Variants in JPH2 observed in about 807,000 individuals in gnomAD.
The protein encoded by JPH2 is junctophilin-2.
JPH2 carries 38 observed loss-of-function variants against 55.9 expected under a neutral mutation model. The observed-to-expected ratio is 0.68, with a 90% confidence interval of 0.52 to 0.89. JPH2 has a LOEUF of 0.89. Ranked by LOEUF, JPH2 falls within the 40% of genes least tolerant of loss-of-function variation. The probability of loss-of-function intolerance (pLI) is 0.00; values close to 1 mark genes in which losing one functional copy is unlikely to be tolerated. For missense variants in JPH2, 964 were observed against 1,037.6 expected, an observed-to-expected ratio of 0.93 and a Z score of 0.97; for synonymous variants, 480 against 472.4, an observed-to-expected ratio of 1.02 and a Z score of -0.21.
intron 3 of JPH2, among the ~76,000 whole-genome samples, chr20:44,117,470 C>T (rs1244735991): frequency 6.6e-6 from 1 of 152,240 alleles, no homozygotes. Flanking sequence ...GTCCGAGTTT[C>T]TGTGCCTTTG....
intron 1 of JPH2, among the ~76,000 whole-genome samples, chr20:44,185,334 G>T (rs1260817685): frequency 6.6e-6 from 1 of 151,870 alleles, no homozygotes; most frequent in Non-Finnish European, 1.5e-5. Context: ...AAACACAAAA[G>T]GAATGTAGGC....
chr20:44,113,407 C>T lies in JPH2; in HGVS notation c.*111G>A, dbSNP rs540263584. ...TCTTGTGGGGTGAATGTGAACTGGA[C>T]CACGGGGCTCCAGGTCCAGAGTCCA... On this transcript the variant is annotated 3_prime_UTR_variant, in exon 6 of 6. Transcript: ENST00000372980. 1 of 152,444 alleles carries T rather than the reference C, an allele frequency of 6.6e-6. No homozygotes were observed. The highest frequency in any genetic ancestry group is 1.5e-5 in the Non-Finnish European group (1 of 68,126). The allele number at this position is 152,444 out of a possible 1,614,324, so 9.4% of individuals were successfully genotyped here. A position where few individuals can be genotyped will look rare whatever the true frequency, so the allele number is the denominator to read the frequency against.
intron 2 of JPH2, among the ~76,000 whole-genome samples, chr20:44,134,861 TA>T (rs1157900358): frequency 8.7e-4 from 33 of 38,010 alleles, no homozygotes; most frequent in African/African-American, 2.7e-3. Context: ...TAAATATATA[TA>T]TAAATATATA....
At chr20:44,135,894 T>C (rs1032189618) in intron 2 of JPH2, among the ~76,000 whole-genome samples, 2 of 152,142 alleles carry the variant, frequency 1.3e-5, no homozygotes, top group African/African-American at 4.8e-5. Context: ...TACTCTGTTA[T>C]AGACATATTG....
At chr20:44,152,625 A>G (rs576087728) in intron 2 of JPH2, among the ~76,000 whole-genome samples, 1 of 152,364 alleles carries the variant, frequency 6.6e-6, no homozygotes, top group East Asian at 1.9e-4. Flanking sequence ...AAGCAGGCTC[A>G]AAGATGGGCA....
intron 2 of JPH2, among the ~76,000 whole-genome samples, chr20:44,122,954 T>G (rs1298160843): frequency 6.6e-6 from 1 of 151,900 alleles, no homozygotes; most frequent in Non-Finnish European, 1.5e-5. Flanking sequence ...AATGCCCTTT[T>G]TTTGGTCATG....
chr20:44,121,814 T>C (rs2072239135), intron 2 of JPH2, among the ~76,000 whole-genome samples: 1 of 151,590 alleles, frequency 6.6e-6, no homozygotes, highest in Non-Finnish European at 1.5e-5. Context: ...TACCAAGACC[T>C]TGTCTCTACT....
In JPH2 at chr20:44,186,801, GC is replaced by G; in HGVS notation, c.-97del. 1.6e-6 allele frequency: 2 copies of G among 1,265,630 alleles called. No homozygotes were observed. The highest frequency in any genetic ancestry group is 2.3e-6 in the Non-Finnish European group (2 of 883,346). The allele number at this position is 1,265,630 out of a possible 1,614,324, so 78.4% of individuals were successfully genotyped here. On this transcript the variant is annotated 5_prime_UTR_variant, in exon 1 of 6. Coordinates refer to ENST00000372980, the MANE Select transcript of JPH2 (RefSeq NM_020433.5). ...ACTCCTCCAGTGCCCTCGGGGGCAG[GC>G]CCCCAGACTCACCACTGCACCCCAG...
chr20:44,134,185 AATATTTATTATAAATATATAAATAT>A lies in JPH2; in HGVS notation c.1170-15587_1170-15563del, dbSNP rs2072360288. ...TATAAATATTTATTATAAATATATA[AATATTTATTATAAATATATAAATAT>A]ATATTTATTATAAATATATATAAAT... On this transcript the variant is annotated intron_variant, in intron 2 of 5. Transcript: ENST00000372980. Among the ~76,000 whole-genome samples, 4 of 15,982 alleles carry A rather than the reference AATATTTATTATAAATATATAAATAT, an allele frequency of 2.5e-4. 2 individuals carry two copies. Among genetic ancestry groups the A allele is most frequent in the Admixed American group, 2.9e-3 (2 of 692 alleles). The allele number at this position is 15,982 out of a possible 152,430, so 10.5% of individuals were successfully genotyped here.
intron 2 of JPH2, among the ~76,000 whole-genome samples, chr20:44,134,729 T>A (rs1343935231): frequency 2.1e-4 from 18 of 83,742 alleles, no homozygotes; most frequent in African/African-American, 8.3e-4. Context: ...TATATATTTA[T>A]TATAAATATA....
intron 1 of JPH2, among the ~76,000 whole-genome samples, chr20:44,171,911 C>T (rs1444120957): frequency 6.6e-6 from 1 of 152,186 alleles, no homozygotes; most frequent in Non-Finnish European, 1.5e-5. Flanking sequence ...TCTGACTCGC[C>T]CACCACAGCA....
intron 1 of JPH2, among the ~76,000 whole-genome samples, chr20:44,167,666 A>T (rs764457235): frequency 7.9e-5 from 12 of 152,234 alleles, no homozygotes; most frequent in Non-Finnish European, 1.5e-4. Flanking sequence ...TCTTCTGGTG[A>T]GTATAGAATA....
chr20:44,136,185 G>A (rs1339878267), intron 2 of JPH2, among the ~76,000 whole-genome samples: 1 of 152,172 alleles, frequency 6.6e-6, no homozygotes, highest in Non-Finnish European at 1.5e-5. Flanking sequence ...TGAACAGAGG[G>A]TAAAACCTAC....
At chr20:44,152,980 T>C (rs1010137095) in intron 2 of JPH2, among the ~76,000 whole-genome samples, 6 of 152,388 alleles carry the variant, frequency 3.9e-5, no homozygotes, top group Non-Finnish European at 8.8e-5. Context: ...GATTAGAAAG[T>C]CTTCCTTTTC....
chr20:44,115,865 G>C lies in JPH2; in HGVS notation c.1810C>G (p.Leu604Val). The C allele has an allele frequency of 1.3e-6, 2 of 1,587,150 alleles. No individual in the cohort carries two copies. The highest frequency in any genetic ancestry group is 1.7e-6 in the Non-Finnish European group (2 of 1,172,350). The change falls in exon 4 of 6, where the codon CTG becomes GTG. Residue 604 changes from leucine (L) to valine (V), a missense_variant. Transcript: ENST00000372980. ...SAPSSPATAP[L>V]QAPTLRGPEP... ...GGGCCTCGGAGCGTGGGGGCCTGCA[G>C]CGGGGCGGTGGCCGGGGACGAGGGC...
chr20:44,114,609 T>TGTGCGC (rs1491581575), intron 5 of JPH2, among the ~76,000 whole-genome samples, 173 bp downstream of exon 5: 25 of 144,168 alleles, frequency 1.7e-4, no homozygotes, highest in African/African-American at 5.9e-4. Flanking sequence ...TGTGTGTGTG[T>TGTGCGC]GCGCTGGTAT....
chr20:44,159,746 G>T lies in JPH2; in HGVS notation c.1041C>A (p.Val347=), dbSNP rs1035583608. 6 of 1,613,656 alleles carry T rather than the reference G, an allele frequency of 3.7e-6. No homozygotes were observed. Among genetic ancestry groups the T allele is most frequent in the Non-Finnish European group, 3.4e-6 (4 of 1,179,986 alleles). The change falls in exon 2 of 6, where the codon GTC becomes GTA. Residue 347 remains valine (V), a synonymous_variant. Transcript: ENST00000372980. The surrounding 1 kb of genome is among the most constrained non-coding windows in gnomAD (Gnocchi z 5.7). ...GCAGCATGCGGCGCTTGGTGTCCTTGACCAGCACGTTGTGGCGGTACTTGC... is the reference window on the plus strand; with the variant it reads ...GCAGCATGCGGCGCTTGGTGTCCTTTACCAGCACGTTGTGGCGGTACTTGC... The part of the protein sequence containing the change: ...EEGKYRHNVL[V]KDTKRRMLQL...
chr20:44,109,906 G>A lies in JPH2; in HGVS notation c.*3612C>T, dbSNP rs979698352. On this transcript the variant is annotated 3_prime_UTR_variant, in exon 6 of 6. Transcript: ENST00000372980. ...AGGTCCCCTCCCTTTCACTGCCCTG[G>A]AAGAGTCCTGCAGAGACCTCAAGGC... is the stretch of plus-strand genomic sequence containing the variant. Among the ~76,000 whole-genome samples the A allele has an allele frequency of 2.0e-5, 3 of 152,094 alleles. No homozygotes were observed. The highest frequency in any genetic ancestry group is 2.9e-5 in the Non-Finnish European group (2 of 68,014).
At chr20:44,137,598 A>AAGG (rs1223973126) in intron 2 of JPH2, among the ~76,000 whole-genome samples, 1 of 152,182 alleles carries the variant, frequency 6.6e-6, no homozygotes, top group African/African-American at 2.4e-5. Context: ...ACAGGGGAGG[A>AAGG]AGAAGCCACC....
Sources: gnomAD v4.1 joint callset for allele counts (sites outside exome capture counted in the v4.1 genomes callset) on GRCh38, gnomAD v4.1.1 for gene constraint, Gnocchi (gnomAD v3.1) non-coding constraint, MANE v1.5 for transcripts, NCBI Gene and HGNC (gene_info 2026-07-23, HGNC 2026-07-21) for gene names.